Variants in ADGB observed in about 807,000 individuals in gnomAD.
ADGB encodes calpain-7-like protein.
Under a neutral mutation model 210.5 loss-of-function variants are expected in ADGB, and 172 were observed. The observed-to-expected ratio is 0.82, with a 90% CI of 0.72 to 0.93. The LOEUF is 0.93. ADGB is among the 40% of genes least tolerant of loss of function. The pLI, the probability that ADGB is intolerant of heterozygous loss-of-function variation, is 0.00. For synonymous variants in ADGB, 658 were observed against 662.7 expected (o/e 0.99, Z 0.11); for missense variants, 2,025 against 1,964.8 (o/e 1.03, Z -0.58).
chr6:146,770,165 C>CTAT (rs942148147), intron 29 of ADGB, among the ~76,000 whole-genome samples: 4 of 152,100 alleles, frequency 2.6e-5, no homozygotes, highest in African/African-American at 9.7e-5. Context: ...TAAGCTATTC[C>CTAT]TATTATTATT....
chr6:146,785,244 T>G (rs1161715751), intron 31 of ADGB, among the ~76,000 whole-genome samples: 2 of 152,110 alleles, frequency 1.3e-5, no homozygotes, highest in Non-Finnish European at 2.9e-5. Flanking sequence ...GTCTCTGACC[T>G]ATTTCCTGTA....
At chr6:146,727,967 G>C (rs965127702) in intron 19 of ADGB, among the ~76,000 whole-genome samples, 2 of 152,002 alleles carry the variant, frequency 1.3e-5, no homozygotes, top group Non-Finnish European at 2.9e-5. Flanking sequence ...CCCTCTAAGG[G>C]GAAAAAAGTT....
chr6:146,714,360 G>A (rs1293589170), intron 13 of ADGB, among the ~76,000 whole-genome samples: 1 of 151,554 alleles, frequency 6.6e-6, no homozygotes, highest in Non-Finnish European at 1.5e-5. Context: ...TCAGTTAATG[G>A]TCCTCTAAAG....
In ADGB at chr6:146,656,863, ACCT is replaced by A; in HGVS notation, c.500_502del (p.Pro167del). ...ATTATTTTAAGGGGACTTCAGGGGA[ACCT>A]CCTCTTCTCCCCTGGAAGCCCTGGG... is the stretch of plus-strand genomic sequence containing the variant. On this transcript the variant is annotated inframe_deletion, in exon 5 of 36. Coordinates refer to ENST00000397944, the MANE Select transcript of ADGB (RefSeq NM_024694.4). 6.4e-7 allele frequency: 1 copy of A among 1,551,056 alleles called. No individual in the cohort carries two copies. Among genetic ancestry groups the A allele is most frequent in the Non-Finnish European group, 8.7e-7 (1 of 1,146,382 alleles).
At chr6:146,765,756 C>CT in intron 28 of ADGB, among the ~76,000 whole-genome samples, 1 of 151,566 alleles carries the variant, frequency 6.6e-6, no homozygotes, top group Non-Finnish European at 1.5e-5. Flanking sequence ...TACAATGCAG[C>CT]TTCTAGATTA....
At chr6:146,632,082 T>C (rs2114855403) in intron 1 of ADGB, among the ~76,000 whole-genome samples, 1 of 152,186 alleles carries the variant, frequency 6.6e-6, no homozygotes, top group East Asian at 1.9e-4. Context: ...TATCACAAAC[T>C]TAATGGCTTC....
intron 35 of ADGB, chr6:146,803,751 A>T: frequency 2.7e-6 from 2 of 743,228 alleles, no homozygotes; most frequent in Non-Finnish European, 4.4e-6. Context: ...GCGGCGCCTC[A>T]GCCCAGCCTC....
At position 146,747,170 on chromosome 6, in the gene ADGB, C is replaced by T. The variant is rs571522666; in HGVS notation, c.3365+1061C>T. 1.1e-4 allele frequency among the ~76,000 whole-genome samples: 17 copies of T among 152,228 alleles called. No homozygotes were observed. The South Asian group carries it at 1.7e-3, about 15-fold the overall frequency. The stretch of plus-strand genomic sequence containing the variant: ...AACACAGTGCCTGATACATAATTGG[C>T]CTCCATTAACAATGTGTTGTTATTC... On this transcript the variant is annotated intron_variant, in intron 26 of 35. Coordinates refer to ENST00000397944, the MANE Select transcript of ADGB (RefSeq NM_024694.4).
chr6:146,725,064 A>C (rs1461800722), intron 18 of ADGB: 1 of 152,216 alleles, frequency 6.6e-6, no homozygotes, highest in Non-Finnish European at 1.5e-5. Flanking sequence ...ACAAATGCTA[A>C]AATAATTGTG....
At chr6:146,639,043 G>A (rs1403274136) in intron 2 of ADGB, 1 of 154,026 alleles carries the variant, frequency 6.5e-6, no homozygotes, top group Non-Finnish European at 1.5e-5. Context: ...TGGGCAAAAT[G>A]TCTTCCAGAC....
intron 25 of ADGB, among the ~76,000 whole-genome samples, chr6:146,742,304 G>T (rs1777172988): frequency 6.6e-6 from 1 of 151,542 alleles, no homozygotes. Context: ...ATTAGAAGTT[G>T]TATATGTTTC....
At chr6:146,706,849 T>TTTTG (rs1460164174) in intron 13 of ADGB, among the ~76,000 whole-genome samples, 29 of 150,286 alleles carry the variant, frequency 1.9e-4, no homozygotes, top group Admixed American at 4.0e-4. Flanking sequence ...CTTAGTGTTT[T>TTTTG]TTTTTTTTTT....
In ADGB at chr6:146,656,803, A is replaced by T. The variant is rs769987988; in HGVS notation, c.435A>T (p.Ala145=). Residue 145 remains alanine (A), a synonymous_variant, in exon 5 of 36, where the codon GCA becomes GCT. Transcript: ENST00000397944. ...LMRWIISEIY[A]VWKIFNGGIL... is the part of the protein sequence containing the mutation. ...GATGGATTATCAGTGAAATCTATGC[A>T]GTGTGGAAGATCTTCAATGGAGGAA... 27 of 1,548,350 alleles carry T rather than the reference A, an allele frequency of 1.7e-5. No individual in the cohort carries two copies. In the Admixed American group the frequency reaches 3.8e-4, roughly 22 times the overall value.
chr6:146,777,870 C>T (rs76111840), intron 29 of ADGB, among the ~76,000 whole-genome samples: 1,705 of 152,274 alleles, frequency 0.011, 23 homozygotes, highest in African/African-American at 0.039. Context: ...TTCTGTGCCC[C>T]TCACCAGACT....
At chr6:146,725,361 A>C (rs1371720848) in intron 18 of ADGB, 1 of 152,348 alleles carries the variant, frequency 6.6e-6, no homozygotes, top group Non-Finnish European at 1.5e-5. Flanking sequence ...GCCATGCAGC[A>C]GGAGGTTAGC....
At position 146,691,744 on chromosome 6, in the gene ADGB, T is replaced by G. The variant is rs375132753; in HGVS notation, c.1486+454T>G. Among the ~76,000 whole-genome samples the G allele has an allele frequency of 9.2e-5, 14 of 151,362 alleles. No homozygotes were observed. The East Asian group carries it at 2.6e-3, about 28-fold the overall frequency. On this transcript the variant is annotated intron_variant, in intron 11 of 35. Transcript: ENST00000397944. ...TTGGTTAATGTCTGACTTGACCACA[T>G]ATATGAAGCTCATTCTTTTGAGTTA...
intron 12 of ADGB, among the ~76,000 whole-genome samples, chr6:146,698,933 A>G (rs1320053811): frequency 6.6e-6 from 1 of 152,048 alleles, no homozygotes; most frequent in Non-Finnish European, 1.5e-5. Flanking sequence ...AATAAACCTG[A>G]TCACATTGGT....
At chr6:146,768,238 T>C (rs531582669) in intron 28 of ADGB, among the ~76,000 whole-genome samples, 64 of 152,326 alleles carry the variant, frequency 4.2e-4, no homozygotes, top group African/African-American at 1.5e-3. Context: ...TTTCTGAAAT[T>C]TTCTAAAGAT....
intron 2 of ADGB, among the ~76,000 whole-genome samples, chr6:146,644,467 C>T (rs79005569): frequency 0.036 from 5,493 of 151,864 alleles, 324 homozygotes; most frequent in African/African-American, 0.12. Flanking sequence ...GCTTTCCTGC[C>T]GTATCTAATA....
Sources: allele counts gnomAD v4.1 joint callset (sites outside exome capture counted in the v4.1 genomes callset), GRCh38; gene constraint gnomAD v4.1.1; transcripts MANE v1.5; gene names NCBI Gene and HGNC (gene_info 2026-07-23, HGNC 2026-07-21).